The following OSBP2 variants were observed in gnomAD, a reference collection of about 807,000 sequenced individuals.
OSBP2 encodes the protein oxysterol-binding protein 2.
Under a neutral mutation model 96.0 loss-of-function variants are expected in OSBP2, and 66 were observed. That is an observed-to-expected ratio of 0.69 (90% CI 0.56 to 0.84). The LOEUF (loss-of-function observed/expected upper bound fraction) is 0.84, where lower values mean the gene tolerates loss of function less well. Ranked by LOEUF, OSBP2 falls within the 40% of genes least tolerant of loss-of-function variation. The probability of loss-of-function intolerance (pLI) is 0.00; values close to 1 mark genes in which losing one functional copy is unlikely to be tolerated. For missense variants in OSBP2, 1,038 were observed against 1,222.7 expected, an observed-to-expected ratio of 0.85 and a Z score of 2.25; for synonymous variants, 525 against 520.9, an observed-to-expected ratio of 1.01 and a Z score of -0.11.
intron 2 of OSBP2, among the ~76,000 whole-genome samples, chr22:30,742,491 C>G (rs767317851): frequency 3.3e-5 from 5 of 152,104 alleles, no homozygotes; most frequent in Non-Finnish European, 5.9e-5. Flanking sequence ...TTGTCTTTGA[C>G]TCCTGGTTCC....
intron 12 of OSBP2, among the ~76,000 whole-genome samples, chr22:30,903,397 T>C (rs1345530626): frequency 6.6e-6 from 1 of 152,182 alleles, no homozygotes; most frequent in Non-Finnish European, 1.5e-5. Flanking sequence ...TCCATTCCTA[T>C]TGAGAGGGAG....
intron 12 of OSBP2, among the ~76,000 whole-genome samples, chr22:30,897,106 A>C (rs2040083943): frequency 6.6e-6 from 1 of 152,240 alleles, no homozygotes; most frequent in African/African-American, 2.4e-5. Context: ...TTTAGGACAA[A>C]AGCATTATTA....
chr22:30,897,158 C>A (rs2040084539), intron 12 of OSBP2, among the ~76,000 whole-genome samples: 2 of 152,086 alleles, frequency 1.3e-5, no homozygotes, highest in Admixed American at 6.6e-5. Flanking sequence ...TTGAGTTAAT[C>A]AAAAAGATAT....
At chr22:30,699,813 A>G (rs1455185907) in intron 1 of OSBP2, among the ~76,000 whole-genome samples, 1 of 152,218 alleles carries the variant, frequency 6.6e-6, no homozygotes, top group African/African-American at 2.4e-5. Flanking sequence ...GGGCTTAATA[A>G]CATTCATATT....
At chr22:30,773,400 C>G (rs1333300314) in intron 2 of OSBP2, among the ~76,000 whole-genome samples, 2 of 152,174 alleles carry the variant, frequency 1.3e-5, no homozygotes, top group African/African-American at 4.8e-5. Flanking sequence ...GTCAGCTTCC[C>G]ACGTAGTGGA....
chr22:30,880,604 A>G (rs905788208), intron 3 of OSBP2, among the ~76,000 whole-genome samples: 2 of 152,182 alleles, frequency 1.3e-5, no homozygotes, highest in African/African-American at 4.8e-5. Context: ...TGAAGGCCAG[A>G]CAGGGTCCTG....
rs1167973362 is a variant in OSBP2 at position 30,881,835 on chromosome 22, G to C, written c.1108-5591G>C. The C allele has an allele frequency of 2.2e-5, 29 of 1,303,116 alleles. No individual in the cohort carries two copies. The highest frequency in any genetic ancestry group is 2.8e-5 in the Non-Finnish European group (28 of 988,498). 80.7% of individuals were successfully genotyped at this position (1,303,116 alleles called of 1,614,324 possible). A position where few individuals can be genotyped will look rare whatever the true frequency, so the allele number is the denominator to read the frequency against. On this transcript the variant is annotated intron_variant, in intron 3 of 13. Coordinates refer to ENST00000332585, the MANE Select transcript of OSBP2 (RefSeq NM_030758.4). The surrounding 1 kb of genome is among the most constrained non-coding windows in gnomAD (Gnocchi z 4.5). ...CATCCGGGCTGGGGGAGGTGGACGGGCTCTCTGCATCCATGGGGTGACCAG... is the reference window on the plus strand; with the variant it reads ...CATCCGGGCTGGGGGAGGTGGACGGCCTCTCTGCATCCATGGGGTGACCAG...
At chr22:30,803,501 G>A (rs2090883020) in intron 2 of OSBP2, among the ~76,000 whole-genome samples, 1 of 152,204 alleles carries the variant, frequency 6.6e-6, no homozygotes, top group African/African-American at 2.4e-5. Flanking sequence ...CCACAGGGGG[G>A]ACAGCTTCCC....
chr22:30,766,935 A>G (rs2090278382), intron 2 of OSBP2, among the ~76,000 whole-genome samples: 1 of 151,742 alleles, frequency 6.6e-6, no homozygotes, highest in Non-Finnish European at 1.5e-5. Flanking sequence ...CAAGTGGCTC[A>G]CTCTTTGCAG....
At position 30,890,882 on chromosome 22, in the gene OSBP2, A is replaced by G. The variant is rs1336817328; in HGVS notation, c.1778A>G (p.His593Arg). ...FSVSSYSTTVHRIAKPFNPML... is the reference protein window; with the variant it reads ...FSVSSYSTTVRRIAKPFNPML... ...GTGTCCTCCTACTCCACCACAGTGC[A>G]CCGCATCGCCAAGCCCTTCAACCCC... is the stretch of plus-strand genomic sequence containing the variant. The change falls in exon 8 of 14, where the codon CAC becomes CGC. Residue 593 changes from histidine to arginine, a missense_variant. By Grantham distance (29) the His-to-Arg change is conservative (BLOSUM62 0). Transcript: ENST00000332585. This position sits in a 1 kb window ranked among gnomAD's most constrained non-coding sequence, Gnocchi z 4.4. 4 of 1,613,696 alleles carry G rather than the reference A, an allele frequency of 2.5e-6. No individual in the cohort carries two copies. Among genetic ancestry groups the G allele is most frequent in the Non-Finnish European group, 3.4e-6 (4 of 1,180,026 alleles).
intron 2 of OSBP2, among the ~76,000 whole-genome samples, chr22:30,744,780 A>G (rs1337387915): frequency 1.3e-5 from 2 of 152,084 alleles, no homozygotes; most frequent in Non-Finnish European, 2.9e-5. Context: ...AAACAAACAA[A>G]CAAACAAATA....
At chr22:30,830,527 T>C (rs193023262) in intron 2 of OSBP2, among the ~76,000 whole-genome samples, 2 of 152,346 alleles carry the variant, frequency 1.3e-5, no homozygotes, top group Admixed American at 1.3e-4. Flanking sequence ...TATTTTTACA[T>C]TAGAAGCAGC....
At position 30,874,703 on chromosome 22, in the gene OSBP2, A is replaced by G. The variant is rs562955866; in HGVS notation, c.1107+4021A>G. Among the ~76,000 whole-genome samples, 334 of 152,314 alleles carry G rather than the reference A, an allele frequency of 2.2e-3. 1 individual carries two copies. Among genetic ancestry groups the G allele is most frequent in the African/African-American group, 7.8e-3 (326 of 41,566 alleles). ...CAAGGTGCTCAGAGGTGGTTTCTGG[A>G]TTGGGAATCTGGAACAGCAACGCTG... On this transcript the variant is annotated intron_variant, in intron 3 of 13. Coordinates refer to ENST00000332585, the MANE Select transcript of OSBP2 (RefSeq NM_030758.4).
chr22:30,804,567 G>A (rs1329012246), intron 2 of OSBP2, among the ~76,000 whole-genome samples: 2 of 152,184 alleles, frequency 1.3e-5, no homozygotes, highest in African/African-American at 4.8e-5. Context: ...CCAAGAATGT[G>A]TTAGCATTAC....
At chr22:30,793,117 C>T (rs1009345978) in intron 2 of OSBP2, among the ~76,000 whole-genome samples, 5 of 152,160 alleles carry the variant, frequency 3.3e-5, no homozygotes, top group Non-Finnish European at 7.3e-5. Context: ...GAGCCGGGTG[C>T]GGTGGCTCAC....
intron 2 of OSBP2, among the ~76,000 whole-genome samples, chr22:30,839,729 A>G (rs2038708926): frequency 6.6e-6 from 1 of 151,524 alleles, no homozygotes; most frequent in African/African-American, 2.4e-5. Context: ...TTCATTGTAG[A>G]TTCTGGATAT....
chr22:30,724,744 G>T (rs757118104), intron 1 of OSBP2, among the ~76,000 whole-genome samples: 5 of 152,306 alleles, frequency 3.3e-5, no homozygotes, highest in South Asian at 2.1e-4. Context: ...AGACAGTCCA[G>T]GTCCGTGTCT....
At chr22:30,764,977 T>G (rs2090252796) in intron 2 of OSBP2, among the ~76,000 whole-genome samples, 1 of 152,148 alleles carries the variant, frequency 6.6e-6, no homozygotes, top group African/African-American at 2.4e-5. Flanking sequence ...TGCAGATTCC[T>G]AGGGCAGGAC....
At chr22:30,738,913 A>T (rs953178959) in intron 1 of OSBP2, among the ~76,000 whole-genome samples, 4 of 152,232 alleles carry the variant, frequency 2.6e-5, no homozygotes, top group Admixed American at 2.6e-4. Context: ...CTGATAGAAG[A>T]ATCAAAAAAA....
Sources: allele counts gnomAD v4.1 joint callset (sites outside exome capture counted in the v4.1 genomes callset), GRCh38; gene constraint gnomAD v4.1.1; non-coding constraint Gnocchi (gnomAD v3.1); transcripts MANE v1.5; gene names NCBI Gene and HGNC (gene_info 2026-07-23, HGNC 2026-07-21).